FRS2: variants seen among roughly 807,000 people sequenced by gnomAD.
FRS2 encodes fibroblast growth factor receptor substrate 2.
In FRS2, 8 loss-of-function variants were observed where a neutral mutation model predicts 43.9. The ratio of observed to expected loss-of-function variants is 0.18; its 90% CI spans 0.11 to 0.33. FRS2 has a LOEUF of 0.33. FRS2 is among the 10% of genes least tolerant of loss of function. FRS2 has a pLI of 1.00. For synonymous variants in FRS2, 219 were observed against 220.3 expected, an observed-to-expected ratio of 0.99 and a Z score of 0.05; for missense variants, 534 against 627.6, an observed-to-expected ratio of 0.85 and a Z score of 1.59.
intron 3 of FRS2, among the ~76,000 whole-genome samples, chr12:69,544,719 TAATA>T (rs965625208): frequency 1.5e-4 from 23 of 151,838 alleles, no homozygotes; most frequent in East Asian, 1.2e-3. Flanking sequence ...AAAAAATTAA[TAATA>T]AATAAATAAA....
chr12:69,569,467 A>C (rs1441205005), intron 5 of FRS2, among the ~76,000 whole-genome samples: 1 of 152,180 alleles, frequency 6.6e-6, no homozygotes, highest in South Asian at 2.1e-4. Context: ...TCCTGTAGTC[A>C]CCATCAAATT....
At chr12:69,571,718 G>T (rs1880776132) in intron 7 of FRS2, among the ~76,000 whole-genome samples, 1 of 152,066 alleles carries the variant, frequency 6.6e-6, no homozygotes, top group African/African-American at 2.4e-5. Flanking sequence ...AAAAAAATTA[G>T]CCGGGCGTGG....
chr12:69,542,079 T>C (rs1053947006), intron 3 of FRS2, among the ~76,000 whole-genome samples: 2 of 152,218 alleles, frequency 1.3e-5, no homozygotes, highest in African/African-American at 4.8e-5. Flanking sequence ...CAGGGCCATA[T>C]ATTAAGAGCA....
At chr12:69,520,930 T>TA (rs895230911) in intron 1 of FRS2, among the ~76,000 whole-genome samples, 14 of 152,140 alleles carry the variant, frequency 9.2e-5, no homozygotes, top group Non-Finnish European at 1.5e-4. Context: ...CCGTATAAAT[T>TA]AAAAAATTTT....
At chr12:69,505,708 T>C (rs1873867219) in intron 1 of FRS2, among the ~76,000 whole-genome samples, 1 of 152,290 alleles carries the variant, frequency 6.6e-6, no homozygotes, top group East Asian at 1.9e-4. Flanking sequence ...GCATAGTAAA[T>C]TGCACCAACA....
chr12:69,472,861 C>T (rs1329998298), intron 1 of FRS2, among the ~76,000 whole-genome samples: 2 of 152,012 alleles, frequency 1.3e-5, no homozygotes, highest in Non-Finnish European at 2.9e-5. Context: ...TTAACATTGG[C>T]GATGGGTGTT....
At chr12:69,534,038 T>C (rs1249523315) in intron 3 of FRS2, among the ~76,000 whole-genome samples, 2 of 152,212 alleles carry the variant, frequency 1.3e-5, no homozygotes, top group African/African-American at 2.4e-5. Context: ...AGATTTCACA[T>C]GTAGGTGGTG....
chr12:69,517,795 A>G lies in FRS2; in HGVS notation c.-260-13070A>G, dbSNP rs189086327. On this transcript the variant is annotated intron_variant, in intron 1 of 8. Coordinates refer to ENST00000549921, the MANE Select transcript of FRS2 (RefSeq NM_001278356.2). ...TGTTGGAATGTGTAATTCTGGGGGGAAAAACATTTATATTGCGAACTTGAG... is the reference window on the plus strand; with the variant it reads ...TGTTGGAATGTGTAATTCTGGGGGGGAAAACATTTATATTGCGAACTTGAG... Among the ~76,000 whole-genome samples the G allele has an allele frequency of 1.3e-3, 195 of 152,122 alleles. 1 individual carries two copies. The highest frequency in any genetic ancestry group is 3.9e-3 in the African/African-American group (160 of 41,492).
intron 3 of FRS2, among the ~76,000 whole-genome samples, chr12:69,561,832 G>A (rs1265445475): frequency 6.6e-6 from 1 of 152,018 alleles, no homozygotes; most frequent in African/African-American, 2.4e-5. Flanking sequence ...TTTTAGAGGT[G>A]GAATGGAACC....
At chr12:69,545,769 A>C (rs1338965621) in intron 3 of FRS2, among the ~76,000 whole-genome samples, 16 of 151,054 alleles carry the variant, frequency 1.1e-4, no homozygotes, top group East Asian at 9.7e-4. Context: ...AAAAAAAAAA[A>C]AAAAAAAAAC....
chr12:69,511,349 A>G (rs11829505), intron 1 of FRS2, among the ~76,000 whole-genome samples: 27,595 of 152,170 alleles, frequency 0.18, 2,760 homozygotes, highest in Middle Eastern at 0.29. Flanking sequence ...TCATCTCTTC[A>G]TCATTTCAGT....
At chr12:69,481,125 A>G (rs899183544) in intron 1 of FRS2, among the ~76,000 whole-genome samples, 3 of 152,036 alleles carry the variant, frequency 2.0e-5, no homozygotes, top group Non-Finnish European at 4.4e-5. Context: ...AATTTTTAAT[A>G]TTTTGCCATA....
chr12:69,470,721 T>C (rs1355676977), intron 1 of FRS2, among the ~76,000 whole-genome samples, 191 bp downstream of exon 1: 1 of 127,276 alleles, frequency 7.9e-6, no homozygotes, highest in African/African-American at 2.9e-5. Flanking sequence ...GTCCATGGGG[T>C]GGGCGGGGCG....
At position 69,510,570 on chromosome 12, in the gene FRS2, A is replaced by G. The variant is rs545370426; in HGVS notation, c.-260-20295A>G. 2.6e-5 allele frequency among the ~76,000 whole-genome samples: 4 copies of G among 152,202 alleles called. No individual in the cohort carries two copies. In the East Asian group the frequency reaches 7.7e-4, roughly 29 times the overall value. ...ATTGTCATTGTACCCTTTATCACTA[A>G]TGTCCACTGAAAGCTGTGCCAGAAA... On this transcript the variant is annotated intron_variant, in intron 1 of 8. Transcript: ENST00000549921.
intron 1 of FRS2, among the ~76,000 whole-genome samples, chr12:69,505,393 T>A (rs1432831984): frequency 6.6e-6 from 1 of 152,192 alleles, no homozygotes; most frequent in Non-Finnish European, 1.5e-5. Flanking sequence ...ATAAAGGATA[T>A]ACATAATAAG....
At chr12:69,573,022 C>G (rs502190) in intron 8 of FRS2, among the ~76,000 whole-genome samples, 3 of 152,058 alleles carry the variant, frequency 2.0e-5, no homozygotes, top group Admixed American at 1.3e-4. Flanking sequence ...TAGTAGAGAC[C>G]GGGTTTCACC....
At chr12:69,479,272 G>A (rs1871138018) in intron 1 of FRS2, among the ~76,000 whole-genome samples, 1 of 151,646 alleles carries the variant, frequency 6.6e-6, no homozygotes, top group South Asian at 2.1e-4. Context: ...ATATATTCTA[G>A]ATTAGCAGTT....
At chr12:69,565,711 G>T (rs1191177017) in intron 4 of FRS2, among the ~76,000 whole-genome samples, 1 of 151,996 alleles carries the variant, frequency 6.6e-6, no homozygotes, top group Non-Finnish European at 1.5e-5. Context: ...CCTACATGTT[G>T]TCCCACTGGA....
chr12:69,479,955 T>C (rs1038634303), intron 1 of FRS2, among the ~76,000 whole-genome samples: 3 of 152,218 alleles, frequency 2.0e-5, no homozygotes, highest in Non-Finnish European at 1.5e-5. Context: ...TCCGTGTCTC[T>C]TAACCTGTCT....
Sources: gnomAD v4.1 joint callset for allele counts (sites outside exome capture counted in the v4.1 genomes callset) on GRCh38, gnomAD v4.1.1 for gene constraint, MANE v1.5 for transcripts, NCBI Gene and HGNC (gene_info 2026-07-23, HGNC 2026-07-21) for gene names.